Variants in FTO observed in about 807,000 individuals in gnomAD.
FTO encodes alpha-ketoglutarate-dependent dioxygenase FTO.
In FTO, 47 loss-of-function variants were observed where a neutral mutation model predicts 63.9. The observed-to-expected ratio is 0.74, with a 90% CI of 0.58 to 0.94. FTO has a LOEUF of 0.94. FTO is among the 40% of genes least tolerant of loss of function. FTO has a pLI of 0.00. For missense variants in FTO, 562 were observed against 618.1 expected, an observed-to-expected ratio of 0.91 and a Z score of 0.96; for synonymous variants, 207 against 224.4, an observed-to-expected ratio of 0.92 and a Z score of 0.69.
intron 7 of FTO, chr16:53,911,334 G>C (rs2081696367): frequency 1.4e-6 from 1 of 702,162 alleles, no homozygotes; most frequent in Non-Finnish European, 2.6e-6. Context: ...AACAGCCAGA[G>C]ATAGCAGCGA....
chr16:53,868,246 G>T (rs1231480863), intron 4 of FTO, among the ~76,000 whole-genome samples: 1 of 151,812 alleles, frequency 6.6e-6, no homozygotes, highest in Non-Finnish European at 1.5e-5. Flanking sequence ...TCTATATTTT[G>T]TCTTGTTTTT....
chr16:54,010,220 C>G (rs1349735167), intron 8 of FTO, among the ~76,000 whole-genome samples: 1 of 151,996 alleles, frequency 6.6e-6, no homozygotes, highest in African/African-American at 2.4e-5. Context: ...TCAAGACCAC[C>G]CTGGGCAACA....
At chr16:53,866,565 A>G (rs2080322121) in intron 4 of FTO, among the ~76,000 whole-genome samples, 2 of 152,250 alleles carry the variant, frequency 1.3e-5, no homozygotes, top group Admixed American at 6.5e-5. Context: ...AGGCCTATTC[A>G]TATTATTCAT....
chr16:54,067,863 T>C (rs747680129), intron 8 of FTO, among the ~76,000 whole-genome samples: 26 of 152,350 alleles, frequency 1.7e-4, no homozygotes, highest in Middle Eastern at 3.4e-3. Flanking sequence ...GGGAGCCAAG[T>C]TGAGGTGTTC....
rs529206999 is a variant in FTO, at chr16:54,066,143, G to A, written c.1365-45619G>A. 3.4e-4 allele frequency among the ~76,000 whole-genome samples: 51 copies of A among 152,238 alleles called. 1 individual carries two copies. Among genetic ancestry groups the A allele is most frequent in the Non-Finnish European group, 6.5e-4 (44 of 68,050 alleles). On this transcript the variant is annotated intron_variant, in intron 8 of 8. Transcript: ENST00000471389. ...TCTGAGGAGTTACCACTACTAGTGAGTGTTGGGACCGGGATTCCCCATAGC... is the reference window on the plus strand; with the variant it reads ...TCTGAGGAGTTACCACTACTAGTGAATGTTGGGACCGGGATTCCCCATAGC...
intron 4 of FTO, among the ~76,000 whole-genome samples, chr16:53,856,368 TGGGGGGGGA>T (rs1382855068): frequency 4.0e-5 from 6 of 150,110 alleles, no homozygotes; most frequent in Admixed American, 6.7e-5. Flanking sequence ...TTTTTTTTTT[TGGGGGGGGA>T]TATTTATTTA....
intron 8 of FTO, among the ~76,000 whole-genome samples, chr16:54,000,998 G>GT (rs1264724571): frequency 6.6e-6 from 1 of 152,156 alleles, no homozygotes; most frequent in Non-Finnish European, 1.5e-5. Flanking sequence ...AAAATGAGGG[G>GT]TTTAAACTAG....
At chr16:53,725,384 A>G (rs890466061) in intron 1 of FTO, among the ~76,000 whole-genome samples, 11 of 152,226 alleles carry the variant, frequency 7.2e-5, no homozygotes, top group Non-Finnish European at 1.2e-4. Flanking sequence ...GTATTGTAGA[A>G]TGATCTTCAT....
intron 8 of FTO, among the ~76,000 whole-genome samples, chr16:53,974,046 G>A (rs1457339696): frequency 6.6e-6 from 1 of 152,180 alleles, no homozygotes; most frequent in African/African-American, 2.4e-5. Flanking sequence ...CTCAGGATAT[G>A]TAGATTTATG....
intron 1 of FTO, among the ~76,000 whole-genome samples, chr16:53,719,225 A>C (rs1598482542): frequency 6.9e-6 from 1 of 145,628 alleles, no homozygotes; most frequent in South Asian, 2.3e-4. Flanking sequence ...TTTGAACTTT[A>C]CTTCTTCTTC....
chr16:53,867,529 T>TGTG (rs1598864565), intron 4 of FTO, among the ~76,000 whole-genome samples: 13 of 133,114 alleles, frequency 9.8e-5, no homozygotes, highest in African/African-American at 2.7e-4. Context: ...GTGTGTGTGT[T>TGTG]TGTGTGTACC....
intron 2 of FTO, among the ~76,000 whole-genome samples, chr16:53,815,941 A>T (rs1202421898): frequency 1.3e-5 from 2 of 151,808 alleles, no homozygotes; most frequent in African/African-American, 4.8e-5. Flanking sequence ...GAGCCACTGC[A>T]CCCAGCTGCC....
intron 1 of FTO, among the ~76,000 whole-genome samples, chr16:53,764,892 G>A (rs925380557): frequency 6.6e-6 from 1 of 151,758 alleles, no homozygotes; most frequent in South Asian, 2.1e-4. Flanking sequence ...GCTAATTTTT[G>A]TATTTTTAGT....
At chr16:54,024,384 C>G (rs1044257355) in intron 8 of FTO, among the ~76,000 whole-genome samples, 1 of 151,990 alleles carries the variant, frequency 6.6e-6, no homozygotes, top group African/African-American at 2.4e-5. Context: ...CCACCACGCC[C>G]AGCTAATTTT....
chr16:54,101,258 C>A (rs1567572311), intron 8 of FTO, among the ~76,000 whole-genome samples: 2 of 152,024 alleles, frequency 1.3e-5, no homozygotes, highest in Non-Finnish European at 2.9e-5. Flanking sequence ...CAATAGCTAT[C>A]TTTTCTGCTC....
chr16:53,937,392 A>T, intron 8 of FTO: 2 of 396,206 alleles, frequency 5.0e-6, no homozygotes, highest in Non-Finnish European at 8.9e-6. Flanking sequence ...CTTTTAAAGA[A>T]CTGGGCGAGC....
chr16:54,007,521 A>G (rs771390549), intron 8 of FTO, among the ~76,000 whole-genome samples: 3 of 152,218 alleles, frequency 2.0e-5, no homozygotes, highest in Non-Finnish European at 4.4e-5. Context: ...TTATGAATTA[A>G]TAGATATAAA....
At chr16:53,921,390 G>A (rs751181538) in intron 7 of FTO, among the ~76,000 whole-genome samples, 3 of 152,176 alleles carry the variant, frequency 2.0e-5, no homozygotes, top group African/African-American at 4.8e-5. Context: ...TCCAAGGATC[G>A]GAAAGTGCTA....
At chr16:54,092,468 C>G (rs1316997893) in intron 8 of FTO, among the ~76,000 whole-genome samples, 1 of 152,110 alleles carries the variant, frequency 6.6e-6, no homozygotes, top group Non-Finnish European at 1.5e-5. Context: ...AACAGAGTCT[C>G]TACCAAATCT....
Sources: gnomAD v4.1 joint callset for allele counts (sites outside exome capture counted in the v4.1 genomes callset) on GRCh38, gnomAD v4.1.1 for gene constraint, MANE v1.5 for transcripts, NCBI Gene and HGNC (gene_info 2026-07-23, HGNC 2026-07-21) for gene names.